TDRP: variants seen among roughly 807,000 people sequenced by gnomAD.
TDRP encodes testis development-related protein.
TDRP carries 12 observed loss-of-function variants against 10.5 expected under a neutral mutation model. That is an observed-to-expected ratio of 1.15 (90% CI 0.73 to 1.86). TDRP has a LOEUF of 1.86. TDRP is among the 40% of genes most tolerant of loss of function. TDRP has a pLI of 0.00. For missense variants in TDRP, 353 were observed against 229.2 expected, an observed-to-expected ratio of 1.54 and a Z score of -3.49; for synonymous variants, 139 against 95.4, an observed-to-expected ratio of 1.46 and a Z score of -2.67.
intron 1 of TDRP, among the ~76,000 whole-genome samples, chr8:513,334 T>G (rs1443652752): frequency 6.6e-6 from 1 of 152,112 alleles, no homozygotes; most frequent in Non-Finnish European, 1.5e-5. Context: ...CAAGTGGGAT[T>G]TATCTCAGGA....
At chr8:532,177 AG>A (rs1802220100) in intron 1 of TDRP, among the ~76,000 whole-genome samples, 1 of 152,186 alleles carries the variant, frequency 6.6e-6, no homozygotes, top group African/African-American at 2.4e-5. Flanking sequence ...ACCTCTGTGA[AG>A]GGGAAACAGA....
intron 1 of TDRP, among the ~76,000 whole-genome samples, chr8:517,466 G>A (rs1465114534): frequency 2.0e-5 from 3 of 152,140 alleles, no homozygotes; most frequent in African/African-American, 7.2e-5. Context: ...GAAGCTTCAA[G>A]AACCTGGGCT....
At chr8:510,505 T>C (rs375598014) in intron 1 of TDRP, among the ~76,000 whole-genome samples, 1 of 152,064 alleles carries the variant, frequency 6.6e-6, no homozygotes, top group Non-Finnish European at 1.5e-5. Flanking sequence ...CAATAGCTTA[T>C]AAAGGAAGCC....
intron 1 of TDRP, among the ~76,000 whole-genome samples, chr8:532,619 T>G (rs1158837303): frequency 1.3e-5 from 2 of 152,218 alleles, no homozygotes; most frequent in Non-Finnish European, 2.9e-5. Context: ...CAATGGAAGC[T>G]CCGGAAGAAT....
intron 1 of TDRP, among the ~76,000 whole-genome samples, chr8:517,851 C>G (rs1248917852): frequency 1.3e-5 from 2 of 152,142 alleles, no homozygotes; most frequent in Non-Finnish European, 2.9e-5. Flanking sequence ...TGAAAGAAGC[C>G]AATCTGAAAA....
chr8:495,121 TACTC>T (rs1801089687), intron 1 of TDRP: 2 of 154,038 alleles, frequency 1.3e-5, no homozygotes, highest in Non-Finnish European at 2.9e-5. Context: ...TAGTTTCAGA[TACTC>T]AGGAAGCTGA....
rs1802593523 is a variant in TDRP at position 544,798 on chromosome 8, C to A, written c.-41G>T. ...GGCGTCCCTCCGTCCGTGCGTCGGG[C>A]TGTGGCTCCGCGTCCCTCCCGGCCG... On this transcript the variant is annotated 5_prime_UTR_variant, in exon 1 of 3. Transcript: ENST00000324079. The A allele has an allele frequency of 1.6e-6, 2 of 1,213,700 alleles. No individual in the cohort carries two copies. The highest frequency in any genetic ancestry group is 3.2e-5 in the East Asian group (1 of 30,846). The allele number at this position is 1,213,700 out of a possible 1,614,324, so 75.2% of individuals were successfully genotyped here. A position where few individuals can be genotyped will look rare whatever the true frequency, so the allele number is the denominator to read the frequency against.
chr8:510,666 T>C (rs1412582767), intron 1 of TDRP, among the ~76,000 whole-genome samples: 3 of 152,112 alleles, frequency 2.0e-5, no homozygotes. Flanking sequence ...GAAGGTAAAA[T>C]ACAGACTTTC....
At chr8:494,788 G>C (rs1002479943) in intron 1 of TDRP, among the ~76,000 whole-genome samples, 191 bp from the exon 2 acceptor site, 7 of 152,142 alleles carry the variant, frequency 4.6e-5, no homozygotes, top group African/African-American at 1.7e-4. Flanking sequence ...TTGGTATTGT[G>C]GTCCTAACAG....
At chr8:497,012 T>A (rs1801154697) in intron 1 of TDRP, among the ~76,000 whole-genome samples, 1 of 152,206 alleles carries the variant, frequency 6.6e-6, no homozygotes, top group Non-Finnish European at 1.5e-5. Flanking sequence ...CCTCTTTTCT[T>A]TATAAATTAT....
chr8:524,192 C>A (rs1461253738), intron 1 of TDRP, among the ~76,000 whole-genome samples: 1 of 152,178 alleles, frequency 6.6e-6, no homozygotes, highest in African/African-American at 2.4e-5. Context: ...TTAACCAAAA[C>A]CAAGTTGGTA....
intron 1 of TDRP, among the ~76,000 whole-genome samples, chr8:524,508 T>G (rs1415534991): frequency 6.6e-6 from 1 of 152,176 alleles, no homozygotes; most frequent in Admixed American, 6.5e-5. Context: ...AATAACTACT[T>G]TGAGGAAACT....
chr8:501,243 C>T (rs558818214), intron 1 of TDRP, among the ~76,000 whole-genome samples: 1 of 152,200 alleles, frequency 6.6e-6, no homozygotes, highest in South Asian at 2.1e-4. Flanking sequence ...GAGCGTAATG[C>T]TCGGGTCAGC....
At chr8:502,686 A>G (rs1021995673) in intron 1 of TDRP, among the ~76,000 whole-genome samples, 10 of 151,808 alleles carry the variant, frequency 6.6e-5, no homozygotes, top group African/African-American at 2.4e-4. Flanking sequence ...AGAGCCACAC[A>G]CCGGAACCCA....
chr8:491,944 G>A lies in TDRP; in HGVS notation c.*455C>T, dbSNP rs1188428964. 1 of 1,126,814 alleles carries A rather than the reference G, an allele frequency of 8.9e-7. No homozygotes were observed. Among genetic ancestry groups the A allele is most frequent in the Non-Finnish European group, 1.1e-6 (1 of 922,456 alleles). The allele number at this position is 1,126,814 out of a possible 1,614,324, so 69.8% of individuals were successfully genotyped here. On this transcript the variant is annotated 3_prime_UTR_variant, in exon 3 of 3. Transcript: ENST00000324079. ...TTAAACAAAATTTAACATAACTTTG[G>A]AAGATTCATCTTACCTCCTGACTAA...
intron 1 of TDRP, 27 bp from the exon 2 acceptor site, chr8:494,624 A>G: frequency 6.3e-7 from 1 of 1,593,456 alleles, no homozygotes; most frequent in Non-Finnish European, 8.6e-7. Flanking sequence ...AAAAATGTCA[A>G]ATCTGATGTC....
chr8:518,420 G>C (rs973705766), intron 1 of TDRP, among the ~76,000 whole-genome samples: 2 of 152,054 alleles, frequency 1.3e-5, no homozygotes, highest in African/African-American at 4.8e-5. Context: ...AAATGTATTA[G>C]AAAACTTCAC....
chr8:524,873 C>T (rs1035094048), intron 1 of TDRP, among the ~76,000 whole-genome samples: 11 of 152,046 alleles, frequency 7.2e-5, no homozygotes, highest in South Asian at 2.1e-4. Context: ...AAGTAGAGAA[C>T]GAGAGAGAAG....
At position 538,409 on chromosome 8, in the gene TDRP, G is replaced by A. The variant is rs142891276; in HGVS notation, c.108+6241C>T. Among the ~76,000 whole-genome samples, 30 of 152,218 alleles carry A rather than the reference G, an allele frequency of 2.0e-4. No individual in the cohort carries two copies. The East Asian group carries it at 5.8e-3, about 29-fold the overall frequency. Reference sequence around the variant, plus strand: ...CTGTTGGCAGCTGTGTAGCCTTCCCGGTCCCTCCTCCTTTGTGCCCATGTG... The same window carrying A: ...CTGTTGGCAGCTGTGTAGCCTTCCCAGTCCCTCCTCCTTTGTGCCCATGTG... On this transcript the variant is annotated intron_variant, in intron 1 of 2. Coordinates refer to ENST00000324079, the MANE Select transcript of TDRP (RefSeq NM_001384899.1).
Sources: gnomAD v4.1 joint callset for allele counts (sites outside exome capture counted in the v4.1 genomes callset) on GRCh38, gnomAD v4.1.1 for gene constraint, MANE v1.5 for transcripts, NCBI Gene and HGNC (gene_info 2026-07-23, HGNC 2026-07-21) for gene names.